Variants in MAP2K5 observed in about 807,000 individuals in gnomAD.
MAP2K5 encodes mitogen-activated protein kinase kinase 5.
In MAP2K5, 49 loss-of-function variants were observed where a neutral mutation model predicts 83.1. The observed-to-expected ratio is 0.59, with a 90% CI of 0.47 to 0.75. MAP2K5 has a LOEUF of 0.75. Among genes scored for constraint, MAP2K5 ranks in the 30% least tolerant of loss-of-function variants. MAP2K5 has a pLI of 0.00. For missense variants in MAP2K5, 457 were observed against 557.5 expected (o/e 0.82, Z 1.82); for synonymous variants, 202 against 191.8 (o/e 1.05, Z -0.44).
intron 8 of MAP2K5, among the ~76,000 whole-genome samples, chr15:67,623,596 T>TC (rs1420473676): frequency 1.2e-4 from 5 of 42,458 alleles, no homozygotes; most frequent in Non-Finnish European, 2.4e-4. Flanking sequence ...CTTACTATCT[T>TC]CCTTTTTTTT....
intron 3 of MAP2K5, among the ~76,000 whole-genome samples, chr15:67,574,350 T>A (rs2085009832): frequency 6.6e-6 from 1 of 152,024 alleles, no homozygotes; most frequent in African/African-American, 2.4e-5. Flanking sequence ...GGTGGGTGGA[T>A]CACGTGAGGT....
chr15:67,552,363 G>A lies in MAP2K5; in HGVS notation c.184+2281G>A, dbSNP rs185693982. Among the ~76,000 whole-genome samples, 54 of 152,302 alleles carry A rather than the reference G, an allele frequency of 3.5e-4. No homozygotes were observed. Among genetic ancestry groups the A allele is most frequent in the African/African-American group, 1.2e-3 (51 of 41,570 alleles). On this transcript the variant is annotated intron_variant, in intron 2 of 21. Coordinates refer to ENST00000178640, the MANE Select transcript of MAP2K5 (RefSeq NM_145160.3). The surrounding 1 kb of genome is among the most constrained non-coding windows in gnomAD (Gnocchi z 4.2). The stretch of plus-strand genomic sequence containing the variant: ...ATAGTTAACATTCGGAGTACTTACT[G>A]TTGACAGATGCTTTGCTAAGAGCAT...
At chr15:67,550,112 A>G (rs2084477984) in intron 2 of MAP2K5, 30 bp downstream of exon 2, 1 of 1,599,240 alleles carries the variant, frequency 6.3e-7, no homozygotes, top group Non-Finnish European at 8.6e-7. Context: ...TTTCTTGACT[A>G]TTCCTTTCTG....
At chr15:67,706,330 G>A (rs1385162386) in intron 16 of MAP2K5, among the ~76,000 whole-genome samples, 3 of 152,148 alleles carry the variant, frequency 2.0e-5, no homozygotes, top group Non-Finnish European at 4.4e-5. Flanking sequence ...GTGGAGGACT[G>A]AAGAAAACAG....
At chr15:67,705,929 G>T (rs904352122) in intron 16 of MAP2K5, among the ~76,000 whole-genome samples, 1 of 152,160 alleles carries the variant, frequency 6.6e-6, no homozygotes, top group African/African-American at 2.4e-5. Flanking sequence ...AAGGGGAAAA[G>T]TGGGAAAAAA....
intron 21 of MAP2K5, among the ~76,000 whole-genome samples, chr15:67,773,805 CT>C (rs571673086): frequency 1.3e-5 from 2 of 152,090 alleles, no homozygotes; most frequent in Non-Finnish European, 2.9e-5. Context: ...AAACTGGTCT[CT>C]TTTTTTGGTC....
In MAP2K5 at chr15:67,772,772, T is replaced by G. The variant is rs1185705432; in HGVS notation, c.1242+20T>G. On this transcript the variant is annotated intron_variant, in intron 21 of 21. Transcript: ENST00000178640. ...TTGATGGTAAGTGAATGTTTTTAGTTACATTAGAATTCTCAGTTATATATT... is the reference window on the plus strand; with the variant it reads ...TTGATGGTAAGTGAATGTTTTTAGTGACATTAGAATTCTCAGTTATATATT... The G allele has an allele frequency of 6.3e-7, 1 of 1,582,340 alleles. No individual in the cohort carries two copies. Among genetic ancestry groups the G allele is most frequent in the Non-Finnish European group, 8.6e-7 (1 of 1,162,762 alleles).
intron 8 of MAP2K5, among the ~76,000 whole-genome samples, chr15:67,624,338 C>CAA (rs755739176): frequency 0.56 from 43,511 of 78,308 alleles, 13,042 homozygotes; most frequent in Non-Finnish European, 0.64. Flanking sequence ...GACTCCGTCT[C>CAA]AAAAAAAAAA....
chr15:67,607,247 C>T (rs143323345), intron 8 of MAP2K5, among the ~76,000 whole-genome samples: 9 of 152,236 alleles, frequency 5.9e-5, no homozygotes, highest in South Asian at 4.1e-4. Flanking sequence ...GACTGGATTG[C>T]ATTATAGTAT....
chr15:67,574,805 T>C (rs2085021443), intron 3 of MAP2K5, among the ~76,000 whole-genome samples: 1 of 151,930 alleles, frequency 6.6e-6, no homozygotes, highest in African/African-American at 2.4e-5. Flanking sequence ...AGGCGGATGT[T>C]GCACTGAGCC....
Position 67,801,680 on chromosome 15 carries a change from G to A in MAP2K5, c.1243-4966G>A, listed in dbSNP as rs960468968. ...CTTTATAAAATGGGGGTGCCGGGAG[G>A]GTTCAGGAGAGCTGTGGTCAGATGT... On this transcript the variant is annotated intron_variant, in intron 21 of 21. Transcript: ENST00000178640. The surrounding 1 kb of genome is among the most constrained non-coding windows in gnomAD (Gnocchi z 4.8). Among the ~76,000 whole-genome samples the A allele has an allele frequency of 6.6e-6, 1 of 152,110 alleles. No homozygotes were observed. The highest frequency in any genetic ancestry group is 2.4e-5 in the African/African-American group (1 of 41,426).
intron 3 of MAP2K5, among the ~76,000 whole-genome samples, chr15:67,576,040 C>T (rs1181547708): frequency 6.9e-6 from 1 of 145,328 alleles, no homozygotes; most frequent in Non-Finnish European, 1.5e-5. Flanking sequence ...TCTCAGCCTC[C>T]TGAGTAGCTG....
intron 11 of MAP2K5, among the ~76,000 whole-genome samples, chr15:67,649,545 A>C (rs1469349543): frequency 2.0e-5 from 3 of 152,118 alleles, no homozygotes; most frequent in African/African-American, 4.8e-5. Flanking sequence ...ATTCGTTTGC[A>C]TGTAGATATA....
At chr15:67,799,170 A>C (rs2090658871) in intron 21 of MAP2K5, among the ~76,000 whole-genome samples, 1 of 152,274 alleles carries the variant, frequency 6.6e-6, no homozygotes, top group South Asian at 2.1e-4. Flanking sequence ...CTCCGTCTCA[A>C]AATAAAAAAA....
intron 15 of MAP2K5, among the ~76,000 whole-genome samples, chr15:67,695,002 T>G (rs1385260001): frequency 6.6e-6 from 1 of 151,182 alleles, no homozygotes; most frequent in Non-Finnish European, 1.5e-5. Context: ...AGTAAACTAT[T>G]GCAAGAACAA....
chr15:67,659,753 A>T (rs2087190297), intron 12 of MAP2K5, among the ~76,000 whole-genome samples: 1 of 152,150 alleles, frequency 6.6e-6, no homozygotes, highest in Non-Finnish European at 1.5e-5. Flanking sequence ...AAAAAGAAAA[A>T]AGTATACAAC....
intron 8 of MAP2K5, among the ~76,000 whole-genome samples, chr15:67,623,819 A>G (rs1024804021): frequency 6.6e-6 from 1 of 151,250 alleles, no homozygotes; most frequent in Admixed American, 6.6e-5. Context: ...CTGGTCTCGA[A>G]CTCCCAACCT....
intron 8 of MAP2K5, among the ~76,000 whole-genome samples, chr15:67,602,907 C>T (rs982950965): frequency 6.6e-6 from 1 of 152,196 alleles, no homozygotes; most frequent in Admixed American, 6.5e-5. Flanking sequence ...CTGCCTTGGC[C>T]TCCCAAAGTG....
intron 19 of MAP2K5, among the ~76,000 whole-genome samples, chr15:67,752,708 A>G (rs974601957): frequency 3.9e-5 from 6 of 151,902 alleles, no homozygotes; most frequent in Non-Finnish European, 7.4e-5. Context: ...AAAGAAAGAA[A>G]TGGAAAGACA....
Sources: allele counts gnomAD v4.1 joint callset (sites outside exome capture counted in the v4.1 genomes callset), GRCh38; gene constraint gnomAD v4.1.1; non-coding constraint Gnocchi (gnomAD v3.1); transcripts MANE v1.5; gene names NCBI Gene and HGNC (gene_info 2026-07-23, HGNC 2026-07-21).